Variants in IPO9 observed in about 807,000 individuals in gnomAD.
IPO9 encodes importin-9.
IPO9 carries 28 observed loss-of-function variants against 128.6 expected under a neutral mutation model. That is an observed-to-expected ratio of 0.22 (90% CI 0.16 to 0.30). The LOEUF (loss-of-function observed/expected upper bound fraction) is 0.30, where lower values mean the gene tolerates loss of function less well. Among genes scored for constraint, IPO9 ranks in the 10% least tolerant of loss-of-function variants. The probability of loss-of-function intolerance (pLI) is 1.00; values close to 1 mark genes in which losing one functional copy is unlikely to be tolerated. For missense variants in IPO9, 935 were observed against 1,293.9 expected, an observed-to-expected ratio of 0.72 and a Z score of 4.26; for synonymous variants, 455 against 475.8, an observed-to-expected ratio of 0.96 and a Z score of 0.57.
At chr1:201,875,855 T>G in intron 23 of IPO9, 89 bp from the exon 24 acceptor site, 1 of 803,728 alleles carries the variant, frequency 1.2e-6, no homozygotes, top group Middle Eastern at 2.4e-4. Flanking sequence ...AAACCAGCAT[T>G]CCCTGTGCCA....
At chr1:201,831,589 CAAGT>C (rs1333633684) in intron 1 of IPO9, among the ~76,000 whole-genome samples, 1 of 152,174 alleles carries the variant, frequency 6.6e-6, no homozygotes, top group East Asian at 1.9e-4. Flanking sequence ...TGGCCTTTAA[CAAGT>C]TATCTTTGAC....
chr1:201,863,539 A>G lies in IPO9; in HGVS notation c.1560A>G (p.Ala520=). 6.2e-7 allele frequency: 1 copy of G among 1,608,020 alleles called. No individual in the cohort carries two copies. The highest frequency in any genetic ancestry group is 1.1e-5 in the South Asian group (1 of 90,818). ...SPELIQQFLQ[A]TVSGLHETQP... ...AACTGATCCAGCAGTTCCTACAGGC[A>G]ACAGTTAGTGGTCTTCACGAGACAC... The change falls in exon 14 of 24, where the codon GCA becomes GCG. Residue 520 remains alanine, a synonymous_variant. Coordinates refer to ENST00000361565, the MANE Select transcript of IPO9 (RefSeq NM_018085.5).
intron 21 of IPO9, 52 bp from the exon 22 acceptor site, chr1:201,874,780 G>A: frequency 5.5e-6 from 7 of 1,283,296 alleles, no homozygotes; most frequent in Non-Finnish European, 7.9e-6. Flanking sequence ...GATTTGGGGA[G>A]GGAAAATGCA....
At chr1:201,871,674 T>G (rs1414677301) in intron 19 of IPO9, among the ~76,000 whole-genome samples, 1 of 152,128 alleles carries the variant, frequency 6.6e-6, no homozygotes, top group African/African-American at 2.4e-5. Context: ...ATTACAGGTG[T>G]GAGCCACTGC....
chr1:201,855,391 A>G (rs1023597088), intron 9 of IPO9, among the ~76,000 whole-genome samples: 1 of 152,228 alleles, frequency 6.6e-6, no homozygotes, highest in Admixed American at 6.5e-5. Flanking sequence ...ATCTCATAAA[A>G]TCATAGAATT....
Position 201,858,932 on chromosome 1 carries a change from G to A in IPO9, c.1406G>A (p.Arg469Lys). 6.2e-7 allele frequency: 1 copy of A among 1,612,542 alleles called. No homozygotes were observed. The change falls in exon 13 of 24, where the codon AGG (arginine) becomes AAG (lysine). Residue 469 changes from arginine to lysine, a missense_variant. Arg to Lys is a conservative substitution (Grantham distance 26, BLOSUM62 2). Coordinates refer to ENST00000361565, the MANE Select transcript of IPO9 (RefSeq NM_018085.5). Reference sequence around the variant, plus strand: ...ATCACTGACAGTGTGAAAAATGGCAGGATTCATTTTGACATGCATGGGTTC... The same window carrying A: ...ATCACTGACAGTGTGAAAAATGGCAAGATTCATTTTGACATGCATGGGTTC... Reference protein sequence around the residue: ...AIITDSVKNGRIHFDMHGFLT... With the variant: ...AIITDSVKNGKIHFDMHGFLT...
At chr1:201,872,466 C>T (rs1010372558) in intron 19 of IPO9, among the ~76,000 whole-genome samples, 8 of 151,902 alleles carry the variant, frequency 5.3e-5, no homozygotes, top group African/African-American at 1.5e-4. Context: ...TAGCCAGGCA[C>T]GGTGGCGCAT....
At position 201,879,575 on chromosome 1, in the gene IPO9, A is replaced by G. The variant is rs933622965; in HGVS notation, c.*3521A>G. On this transcript the variant is annotated 3_prime_UTR_variant, in exon 24 of 24. Transcript: ENST00000361565. ...TTTAGATAATAAGAAACCCTTAGGAAGGATGACAATTTAGAATCCAAATTT... is the reference window on the plus strand; with the variant it reads ...TTTAGATAATAAGAAACCCTTAGGAGGGATGACAATTTAGAATCCAAATTT... The G allele has an allele frequency of 6.6e-6, 1 of 152,216 alleles. No individual in the cohort carries two copies. The highest frequency in any genetic ancestry group is 2.4e-5 in the African/African-American group (1 of 41,464). The allele number at this position is 152,216 out of a possible 1,614,324, so 9.4% of individuals were successfully genotyped here. A position where few individuals can be genotyped will look rare whatever the true frequency, so the allele number is the denominator to read the frequency against.
Position 201,869,731 on chromosome 1 carries a change from T to C in IPO9, c.2133+13T>C, listed in dbSNP as rs1680613892. 2 of 1,613,822 alleles carry C rather than the reference T, an allele frequency of 1.2e-6. No homozygotes were observed. Among genetic ancestry groups the C allele is most frequent in the Non-Finnish European group, 8.5e-7 (1 of 1,179,850 alleles). On this transcript the variant is annotated intron_variant, in intron 17 of 23. Transcript: ENST00000361565. ...TGCCACCATGCAGGTATCTGAGACA[T>C]GGAGAGTAGAAGAGGGAAGATAGCT...
intron 20 of IPO9, among the ~76,000 whole-genome samples, 173 bp downstream of exon 20, chr1:201,873,134 T>C (rs1680689066): frequency 6.6e-6 from 1 of 152,106 alleles, no homozygotes; most frequent in Non-Finnish European, 1.5e-5. Context: ...TACGGTTTCT[T>C]CCTGTTGTGG....
In IPO9 at chr1:201,829,258, G is replaced by C; in HGVS notation, c.49G>C (p.Val17Leu). The C allele has an allele frequency of 6.3e-7, 1 of 1,591,342 alleles. No homozygotes were observed. The highest frequency in any genetic ancestry group is 8.5e-7 in the Non-Finnish European group (1 of 1,171,346). ...AGAASGLPGP[V>L]AQGLKEALVD... ...TGCGGCCTCCGGGCTGCCGGGTCCA[G>C]TGGCACAAGGATTAAAGGAAGCGTT... Residue 17 changes from valine (V) to leucine (L), a missense_variant, in exon 1 of 24, where the codon GTG (valine) becomes CTG (leucine). Val to Leu is a conservative substitution (Grantham distance 32). Around this residue, in one of 3 missense-constraint regions of IPO9, gnomAD observed 741 missense variants for 1,019.1 expected, o/e 0.73. Coordinates refer to ENST00000361565, the MANE Select transcript of IPO9 (RefSeq NM_018085.5).
At position 201,879,444 on chromosome 1, in the gene IPO9, A is replaced by G. The variant is rs1387977185; in HGVS notation, c.*3390A>G. On this transcript the variant is annotated 3_prime_UTR_variant, in exon 24 of 24. Transcript: ENST00000361565. ...GGCTGTGTCCTTGGCCCCTCCTTTG[A>G]TATTAGTGACAGATGACTTTTTTTA... 3 of 152,314 alleles carry G rather than the reference A, an allele frequency of 2.0e-5. No individual in the cohort carries two copies. The East Asian group carries it at 5.8e-4, about 29-fold the overall frequency. 9.4% of individuals were successfully genotyped at this position (152,314 alleles called of 1,614,324 possible). A position where few individuals can be genotyped will look rare whatever the true frequency, so the allele number is the denominator to read the frequency against.
chr1:201,845,169 A>T (rs1680104382), intron 1 of IPO9, among the ~76,000 whole-genome samples: 1 of 152,108 alleles, frequency 6.6e-6, no homozygotes, highest in Non-Finnish European at 1.5e-5. Context: ...GGCATGTGCC[A>T]CCATATCCGG....
chr1:201,829,519 T>C, intron 1 of IPO9, 147 bp downstream of exon 1: 5 of 661,452 alleles, frequency 7.6e-6, no homozygotes, highest in Non-Finnish European at 9.9e-6. Flanking sequence ...TTGATGTCGC[T>C]GGTGGTTGTG....
At chr1:201,863,759 C>A in intron 14 of IPO9, 152 bp downstream of exon 14, 1 of 640,006 alleles carries the variant, frequency 1.6e-6, no homozygotes, top group Non-Finnish European at 2.4e-6. Context: ...AGAAACCATG[C>A]TAGAGACATG....
At chr1:201,852,901 A>G (rs1312119747) in intron 5 of IPO9, 110 bp from the exon 6 acceptor site, 3 of 822,204 alleles carry the variant, frequency 3.6e-6, no homozygotes, top group East Asian at 5.0e-5. Flanking sequence ...AGGGCATCCA[A>G]TCTCATGTGA....
At chr1:201,874,591 G>A (rs1205279990) in intron 21 of IPO9, among the ~76,000 whole-genome samples, 1 of 152,204 alleles carries the variant, frequency 6.6e-6, no homozygotes, top group Non-Finnish European at 1.5e-5. Flanking sequence ...GCAGCCAGGA[G>A]GCAAGCTAAC....
intron 13 of IPO9, among the ~76,000 whole-genome samples, chr1:201,860,278 G>A (rs933991552): frequency 1.2e-4 from 18 of 152,034 alleles, no homozygotes; most frequent in African/African-American, 3.6e-4. Flanking sequence ...ATCTATTATC[G>A]GGTGTCTCAG....
intron 9 of IPO9, 73 bp from the exon 10 acceptor site, chr1:201,855,710 A>T: frequency 7.8e-7 from 1 of 1,283,502 alleles, no homozygotes; most frequent in Non-Finnish European, 1.1e-6. Flanking sequence ...AAGGTTATGT[A>T]GTTCATTTTC....
Sources: gnomAD v4.1 joint callset for allele counts (sites outside exome capture counted in the v4.1 genomes callset) on GRCh38, gnomAD v4.1.1 for gene constraint, gnomAD v4.1.1 regional missense constraint, MANE v1.5 for transcripts, NCBI Gene and HGNC (gene_info 2026-07-23, HGNC 2026-07-21) for gene names.